DMD: variants seen among roughly 807,000 people sequenced by gnomAD.
DMD encodes the protein mutant dystrophin.
A neutral mutation model predicts 330.1 loss-of-function variants in DMD; 63 were observed. The ratio of observed to expected loss-of-function variants is 0.19; its 90% CI spans 0.16 to 0.24. The LOEUF is 0.24. Among genes scored for constraint, DMD ranks in the 10% least tolerant of loss-of-function variants. DMD has a pLI of 1.00. For synonymous variants in DMD, 1,223 were observed against 959.8 expected, an observed-to-expected ratio of 1.27 and a Z score of -5.07; for missense variants, 3,344 against 2,684.1, an observed-to-expected ratio of 1.25 and a Z score of -5.43.
chrX:32,865,297 T>C (rs1312899812), intron 2 of DMD, among the ~76,000 whole-genome samples: 1 of 110,950 alleles, frequency 9.0e-6, no homozygotes, highest in Non-Finnish European at 1.9e-5. Flanking sequence ...AATTATAGCA[T>C]GGTGTTATAA....
chrX:32,029,067 GA>G (rs1359085289), intron 44 of DMD, among the ~76,000 whole-genome samples: 1 of 110,837 alleles, frequency 9.0e-6, no homozygotes. Flanking sequence ...TTTCTGAAGA[GA>G]AACCTGAGGT....
At chrX:32,027,163 T>C (rs1603621343) in intron 44 of DMD, among the ~76,000 whole-genome samples, 2 of 43,914 alleles carry the variant, frequency 4.6e-5, no homozygotes, top group Admixed American at 3.0e-4. Flanking sequence ...CACACGCACG[T>C]GCACACACAC....
intron 49 of DMD, among the ~76,000 whole-genome samples, chrX:31,834,848 G>A (rs910717224): frequency 5.4e-5 from 6 of 110,735 alleles, no homozygotes; most frequent in Admixed American, 9.6e-5. Context: ...GAGAAAATAG[G>A]GAAACAGGGA....
intron 44 of DMD, among the ~76,000 whole-genome samples, chrX:32,033,668 G>GA (rs377725613): frequency 0.31 from 28,467 of 92,253 alleles, 3,892 homozygotes; most frequent in African/African-American, 0.41. Context: ...AAGAAAGAAA[G>GA]AAAGGAAGGA....
intron 1 of DMD, among the ~76,000 whole-genome samples, chrX:33,297,480 T>C (rs2148935188): frequency 9.0e-6 from 1 of 111,054 alleles, no homozygotes; most frequent in African/African-American, 3.3e-5. Context: ...GCAATTTCAC[T>C]GTTGATTATT....
chrX:32,138,082 C>T (rs1603626833), intron 44 of DMD, among the ~76,000 whole-genome samples: 1 of 109,052 alleles, frequency 9.2e-6, no homozygotes, highest in Non-Finnish European at 1.9e-5. Context: ...AGGTCGCCCA[C>T]CTTAATCCCG....
intron 68 of DMD, among the ~76,000 whole-genome samples, chrX:31,182,289 A>C (rs767217641): frequency 8.9e-6 from 1 of 112,455 alleles, no homozygotes; most frequent in East Asian, 2.8e-4. Context: ...TGCAAAGTGA[A>C]TGAGAGACTG....
chrX:32,654,636 G>A (rs1352037860), intron 9 of DMD, among the ~76,000 whole-genome samples: 3 of 111,457 alleles, frequency 2.7e-5, no homozygotes, highest in African/African-American at 6.5e-5. Flanking sequence ...TCTCTGCCAG[G>A]CTTTGGTATC....
chrX:31,227,577 A>G (rs1278377354), intron 63 of DMD, among the ~76,000 whole-genome samples: 1 of 111,122 alleles, frequency 9.0e-6, no homozygotes, highest in Non-Finnish European at 1.9e-5. Context: ...TGACTTGGCA[A>G]TGCGGGCTCT....
intron 22 of DMD, among the ~76,000 whole-genome samples, chrX:32,470,530 G>C (rs915374855): frequency 1.4e-4 from 16 of 110,470 alleles, no homozygotes; most frequent in South Asian, 7.6e-4. Context: ...TTTTTCAGTG[G>C]AAATAGTCTC....
At chrX:32,140,207 A>G (rs1490108344) in intron 44 of DMD, among the ~76,000 whole-genome samples, 1 of 112,272 alleles carries the variant, frequency 8.9e-6, no homozygotes, top group African/African-American at 3.2e-5. Flanking sequence ...ATGCCACAAC[A>G]CACATCTAGA....
Position 32,230,416 on chromosome X carries a change from T to A in DMD, c.6291-13353A>T, listed in dbSNP as rs188991994. Among the ~76,000 whole-genome samples the A allele has an allele frequency of 6.2e-3, 686 of 110,524 alleles. 5 individuals carry two copies. The highest frequency in any genetic ancestry group is 0.021 in the African/African-American group (638 of 30,449). The stretch of plus-strand genomic sequence containing the variant: ...CCCGCCACCACGCCCGGCTAATTTT[T>A]TGTATTTTTTAGTAGAGACGGGGTT... On this transcript the variant is annotated intron_variant, in intron 43 of 78. Coordinates refer to ENST00000357033, the MANE Select transcript of DMD (RefSeq NM_004006.3).
At chrX:31,531,099 A>C (rs1192681909) in intron 55 of DMD, among the ~76,000 whole-genome samples, 1 of 65,428 alleles carries the variant, frequency 1.5e-5, no homozygotes, top group Non-Finnish European at 2.6e-5. Context: ...GGTTGGTTCC[A>C]AGTCTTTGCT....
At chrX:33,338,987 TC>T (rs1298578775) in intron 1 of DMD, among the ~76,000 whole-genome samples, 2 of 111,097 alleles carry the variant, frequency 1.8e-5, no homozygotes, top group African/African-American at 6.6e-5. Flanking sequence ...AAACCTAGAC[TC>T]CTGAACAATA....
chrX:32,341,209 A>G (rs768287972), intron 41 of DMD, among the ~76,000 whole-genome samples: 14 of 111,410 alleles, frequency 1.3e-4, no homozygotes, highest in Non-Finnish European at 2.5e-4. Context: ...ATATAATTCA[A>G]CCTAACTTAA....
At chrX:31,755,252 T>TGA (rs1229780923) in intron 51 of DMD, among the ~76,000 whole-genome samples, 1 of 112,221 alleles carries the variant, frequency 8.9e-6, no homozygotes, top group Non-Finnish European at 1.9e-5. Context: ...TTAAAATATT[T>TGA]GAGAGCAATT....
At chrX:32,676,026 C>A (rs1461903649) in intron 9 of DMD, among the ~76,000 whole-genome samples, 1 of 111,178 alleles carries the variant, frequency 9.0e-6, no homozygotes, top group Non-Finnish European at 1.9e-5. Context: ...GAGTGACATA[C>A]CTATCAGTTT....
At position 31,294,903 on chromosome X, in the gene DMD, C is replaced by G. The variant is rs145818859; in HGVS notation, c.9224+28695G>C. ...TTGAAGAGTGCAGATCCACGTGATT[C>G]TCTTAGTGTCATATTCATGTGTGTT... On this transcript the variant is annotated intron_variant, in intron 62 of 78. Coordinates refer to ENST00000357033, the MANE Select transcript of DMD (RefSeq NM_004006.3). 7.9e-3 allele frequency among the ~76,000 whole-genome samples: 884 copies of G among 112,362 alleles called. 8 individuals are homozygous for G. Among genetic ancestry groups the G allele is most frequent in the African/African-American group, 0.027 (821 of 30,902 alleles).
At chrX:31,648,597 T>C (rs1409520725) in intron 54 of DMD, among the ~76,000 whole-genome samples, 1 of 68,990 alleles carries the variant, frequency 1.4e-5, no homozygotes, top group Non-Finnish European at 2.4e-5. Context: ...CAGGTTTCCC[T>C]ACGGGGTGAA....
Sources: allele counts gnomAD v4.1 joint callset (sites outside exome capture counted in the v4.1 genomes callset), GRCh38; gene constraint gnomAD v4.1.1; transcripts MANE v1.5; gene names NCBI Gene and HGNC (gene_info 2026-07-23, HGNC 2026-07-21).